Variants in PPM1H observed in about 807,000 individuals in gnomAD.
PPM1H encodes protein phosphatase, Mg2+/Mn2+ dependent 1H.
A neutral mutation model predicts 54.9 loss-of-function variants in PPM1H; 27 were observed. That is an observed-to-expected ratio of 0.49 (90% CI 0.36 to 0.68). PPM1H has a LOEUF of 0.68. Among genes scored for constraint, PPM1H ranks in the 30% least tolerant of loss-of-function variants. The pLI, the probability that PPM1H is intolerant of heterozygous loss-of-function variation, is 0.00. For synonymous variants in PPM1H, 305 were observed against 270.8 expected (o/e 1.13, Z -1.24); for missense variants, 596 against 667.8 (o/e 0.89, Z 1.19).
intron 9 of PPM1H, among the ~76,000 whole-genome samples, chr12:62,657,847 C>T (rs1692925726): frequency 6.6e-6 from 1 of 152,124 alleles, no homozygotes; most frequent in Admixed American, 6.5e-5. Flanking sequence ...TTAATCTCTT[C>T]CTTCCAAGGC....
chr12:62,906,047 T>C (rs1871293243), intron 1 of PPM1H, among the ~76,000 whole-genome samples: 2 of 152,124 alleles, frequency 1.3e-5, no homozygotes, highest in African/African-American at 2.4e-5. Context: ...TGTGGACAAA[T>C]ATAAAATGGA....
intron 1 of PPM1H, among the ~76,000 whole-genome samples, chr12:62,876,958 G>A (rs1395836488): frequency 1.3e-5 from 2 of 152,126 alleles, no homozygotes; most frequent in East Asian, 1.9e-4. Flanking sequence ...ATTGGAACAG[G>A]CTCCAGTCGG....
intron 4 of PPM1H, among the ~76,000 whole-genome samples, chr12:62,759,579 C>T (rs568419670): frequency 3.8e-4 from 58 of 152,330 alleles, no homozygotes; most frequent in African/African-American, 1.1e-3. Context: ...ATTGCGGGGA[C>T]GCCTGCCTGA....
intron 1 of PPM1H, among the ~76,000 whole-genome samples, chr12:62,923,949 C>CTAAAGG (rs151321106): frequency 6.6e-6 from 1 of 151,248 alleles, no homozygotes; most frequent in African/African-American, 2.4e-5. Flanking sequence ...TTTCATAAAA[C>CTAAAGG]TATTTGATTT....
chr12:62,887,623 T>C (rs1870638406), intron 1 of PPM1H, among the ~76,000 whole-genome samples: 1 of 152,230 alleles, frequency 6.6e-6, no homozygotes. Context: ...GTGCTTATTT[T>C]ATTTGTGGGA....
At chr12:62,665,217 T>G (rs914559949) in intron 9 of PPM1H, among the ~76,000 whole-genome samples, 6 of 152,068 alleles carry the variant, frequency 3.9e-5, no homozygotes, top group African/African-American at 1.4e-4. Context: ...CTGGCTAATT[T>G]TTGTATTTTT....
intron 4 of PPM1H, among the ~76,000 whole-genome samples, chr12:62,761,348 C>G (rs929679016): frequency 6.6e-6 from 1 of 152,096 alleles, no homozygotes; most frequent in Non-Finnish European, 1.5e-5. Flanking sequence ...AGTGTAATTT[C>G]CCTGGGGGGC....
intron 6 of PPM1H, among the ~76,000 whole-genome samples, chr12:62,718,699 C>A (rs1454757175): frequency 6.6e-6 from 1 of 152,160 alleles, no homozygotes; most frequent in Non-Finnish European, 1.5e-5. Flanking sequence ...CAGACTAAAC[C>A]CCATGATGCT....
intron 1 of PPM1H, among the ~76,000 whole-genome samples, chr12:62,852,216 G>T (rs1169738681): frequency 4.9e-5 from 6 of 123,534 alleles, no homozygotes; most frequent in African/African-American, 2.0e-4. Context: ...GTGACAGAGC[G>T]AGACTCTGTC....
chr12:62,749,005 C>T (rs17098259), intron 4 of PPM1H, among the ~76,000 whole-genome samples: 57,718 of 152,118 alleles, frequency 0.38, 11,373 homozygotes, highest in Non-Finnish European at 0.41. Context: ...ACTCCAGTTA[C>T]TACTTTTCTT....
intron 6 of PPM1H, among the ~76,000 whole-genome samples, chr12:62,710,525 A>G (rs2076200734): frequency 6.9e-6 from 1 of 145,124 alleles, no homozygotes; most frequent in South Asian, 2.2e-4. Flanking sequence ...GAGTGGAGTG[A>G]GACTGTCTCT....
intron 9 of PPM1H, among the ~76,000 whole-genome samples, chr12:62,655,412 C>T (rs2075838504): frequency 1.3e-5 from 2 of 152,158 alleles, no homozygotes; most frequent in Admixed American, 1.3e-4. Flanking sequence ...CTCCTGCCCC[C>T]ATTGTATTCT....
intron 2 of PPM1H, among the ~76,000 whole-genome samples, chr12:62,830,892 C>T (rs959366469): frequency 3.3e-5 from 5 of 152,286 alleles, no homozygotes; most frequent in Middle Eastern, 3.4e-3. Flanking sequence ...TCTGCACTGT[C>T]GCCCAGGCTG....
At chr12:62,894,547 T>C (rs561798895) in intron 1 of PPM1H, among the ~76,000 whole-genome samples, 5 of 152,226 alleles carry the variant, frequency 3.3e-5, no homozygotes, top group Non-Finnish European at 7.3e-5. Context: ...AAGATACTTA[T>C]ACTCTTAGCT....
chr12:62,668,568 G>A (rs908869123), intron 8 of PPM1H, among the ~76,000 whole-genome samples: 1 of 152,182 alleles, frequency 6.6e-6, no homozygotes, highest in African/African-American at 2.4e-5. Flanking sequence ...TAGAGATGGG[G>A]TTTTACCAGC....
chr12:62,882,095 A>C (rs1870417307), intron 1 of PPM1H, among the ~76,000 whole-genome samples: 1 of 152,252 alleles, frequency 6.6e-6, no homozygotes, highest in Non-Finnish European at 1.5e-5. Flanking sequence ...AACAATACTA[A>C]TAAATAAAAT....
In PPM1H at chr12:62,783,528, G is replaced by A. The variant is rs565237053; in HGVS notation, c.869+4698C>T. Among the ~76,000 whole-genome samples, 43 of 152,360 alleles carry A rather than the reference G, an allele frequency of 2.8e-4. No individual in the cohort carries two copies. In the East Asian group the frequency reaches 6.0e-3, roughly 21 times the overall value. The stretch of plus-strand genomic sequence containing the variant: ...CAAGATCGAACTCCCAGTCTTGGGC[G>A]GGTGGTGTCCCTGCTCCTCCACAGC... On this transcript the variant is annotated intron_variant, in intron 4 of 9. Transcript: ENST00000228705.
intron 1 of PPM1H, among the ~76,000 whole-genome samples, chr12:62,882,597 C>A (rs891821211): frequency 3.9e-5 from 6 of 152,212 alleles, no homozygotes; most frequent in African/African-American, 1.4e-4. Flanking sequence ...GTTGCAAGGA[C>A]AAAGCACCAT....
intron 1 of PPM1H, among the ~76,000 whole-genome samples, chr12:62,846,987 G>A (rs1181610957): frequency 3.3e-5 from 5 of 152,110 alleles, no homozygotes; most frequent in African/African-American, 9.7e-5. Flanking sequence ...TATCTGCCCA[G>A]ACTCCCTTTC....
Sources: allele counts gnomAD v4.1 joint callset (sites outside exome capture counted in the v4.1 genomes callset), GRCh38; gene constraint gnomAD v4.1.1; transcripts MANE v1.5; gene names NCBI Gene and HGNC (gene_info 2026-07-23, HGNC 2026-07-21).